The following FGF14 variants were observed in gnomAD, a reference collection of about 807,000 sequenced individuals.
FGF14 encodes fibroblast growth factor 14, also known as fibroblast growth factor homologous factor 4.
A neutral mutation model predicts 25.5 loss-of-function variants in FGF14; 5 were observed. The observed-to-expected ratio is 0.20, with a 90% CI of 0.10 to 0.41. The LOEUF (loss-of-function observed/expected upper bound fraction) is 0.41, where lower values mean the gene tolerates loss of function less well. Among genes scored for constraint, FGF14 ranks in the 10% least tolerant of loss-of-function variants. The pLI is 1.00. For missense variants in FGF14, 222 were observed against 320.1 expected (o/e 0.69, Z 2.34); for synonymous variants, 138 against 118.3 (o/e 1.17, Z -1.08).
intron 1 of FGF14, among the ~76,000 whole-genome samples, chr13:102,034,366 A>C (rs1477936903): frequency 1.3e-5 from 2 of 152,178 alleles, no homozygotes; most frequent in African/African-American, 2.4e-5. Flanking sequence ...CTATCAAGCA[A>C]GTGATTTGTA....
intron 1 of FGF14, among the ~76,000 whole-genome samples, chr13:101,902,846 C>T (rs574481347): frequency 7.3e-4 from 111 of 152,276 alleles, no homozygotes; most frequent in African/African-American, 2.5e-3. Flanking sequence ...AAAGGAGGCA[C>T]TTTTAATAAA....
chr13:102,212,917 A>G (rs2050219008), intron 1 of FGF14, among the ~76,000 whole-genome samples: 2 of 152,280 alleles, frequency 1.3e-5, no homozygotes, highest in East Asian at 3.9e-4. Context: ...CTGTGACTCC[A>G]CTTCCCCACC....
At chr13:102,301,206 T>C (rs1423658806) in intron 1 of FGF14, among the ~76,000 whole-genome samples, 2 of 152,196 alleles carry the variant, frequency 1.3e-5, no homozygotes, top group East Asian at 1.9e-4. Context: ...ATTGGCCATA[T>C]TGTTAAAAGT....
At chr13:102,196,797 C>T (rs1370705171) in intron 1 of FGF14, among the ~76,000 whole-genome samples, 1 of 152,132 alleles carries the variant, frequency 6.6e-6, no homozygotes, top group Non-Finnish European at 1.5e-5. Flanking sequence ...TTCCTGTCTA[C>T]CAGAAACTTT....
chr13:101,926,327 A>AT (rs1178816663), intron 1 of FGF14, among the ~76,000 whole-genome samples: 1 of 152,094 alleles, frequency 6.6e-6, no homozygotes, highest in East Asian at 1.9e-4. Context: ...TACCAACATA[A>AT]TTTTTTAAAC....
chr13:102,091,422 G>A (rs2044158925), intron 1 of FGF14, among the ~76,000 whole-genome samples: 2 of 151,500 alleles, frequency 1.3e-5, no homozygotes, highest in African/African-American at 4.8e-5. Context: ...TTGGCTGCTT[G>A]TGGATCTTGT....
intron 1 of FGF14, among the ~76,000 whole-genome samples, chr13:102,114,412 T>G (rs1402192618): frequency 2.0e-5 from 3 of 152,208 alleles, no homozygotes; most frequent in Non-Finnish European, 2.9e-5. Context: ...CTTTTGAGTT[T>G]GATGTAGTCC....
intron 1 of FGF14, among the ~76,000 whole-genome samples, chr13:102,142,393 T>TAA (rs572274485): frequency 3.4e-5 from 5 of 146,158 alleles, no homozygotes; most frequent in Non-Finnish European, 7.6e-5. Context: ...TTTTACTCCT[T>TAA]AAAAAAAAAA....
At chr13:102,155,708 T>C (rs1037980677) in intron 1 of FGF14, among the ~76,000 whole-genome samples, 70 of 149,464 alleles carry the variant, frequency 4.7e-4, no homozygotes, top group African/African-American at 1.7e-3. Flanking sequence ...CTTCAAAAAA[T>C]CAATGAATCC....
chr13:102,146,513 C>T (rs542443284), intron 1 of FGF14, among the ~76,000 whole-genome samples: 1 of 152,210 alleles, frequency 6.6e-6, no homozygotes, highest in African/African-American at 2.4e-5. Flanking sequence ...GCCTTTATAA[C>T]AATATTACAG....
In FGF14 at chr13:101,792,787, C is replaced by T. The variant is rs546744012; in HGVS notation, c.409-65977G>A. ...TCTCTTGAAAAATCAGAAGATTTAGCAAGGGGCCCTATAGTCCTTGATGGA... is the reference window on the plus strand; with the variant it reads ...TCTCTTGAAAAATCAGAAGATTTAGTAAGGGGCCCTATAGTCCTTGATGGA... On this transcript the variant is annotated intron_variant, in intron 3 of 4. Coordinates refer to ENST00000376143, the MANE Select transcript of FGF14 (RefSeq NM_004115.4). Among the ~76,000 whole-genome samples, 7 of 152,178 alleles carry T rather than the reference C, an allele frequency of 4.6e-5. No homozygotes were observed. In the South Asian group the frequency reaches 1.5e-3, roughly 32 times the overall value.
intron 1 of FGF14, among the ~76,000 whole-genome samples, chr13:102,352,720 G>A (rs979239440): frequency 6.6e-6 from 1 of 151,322 alleles, no homozygotes; most frequent in African/African-American, 2.4e-5. Context: ...GCTGAGGCAG[G>A]AGAATGGCGT....
chr13:102,009,548 T>G (rs1173190367), intron 1 of FGF14, among the ~76,000 whole-genome samples: 9 of 152,186 alleles, frequency 5.9e-5, no homozygotes, highest in Admixed American at 5.9e-4. Flanking sequence ...ATATATGTTC[T>G]TCTGAATATT....
chr13:101,913,768 C>T (rs942648315), intron 1 of FGF14, among the ~76,000 whole-genome samples: 2 of 152,084 alleles, frequency 1.3e-5, no homozygotes, highest in African/African-American at 4.8e-5. Flanking sequence ...CCAGTGTTGC[C>T]CACCCTGACT....
chr13:101,895,620 C>T lies in FGF14; in HGVS notation c.194-20324G>A, dbSNP rs569886180. Reference sequence around the variant, plus strand: ...TCACTGAAGTGCAAACATACCTGCCCGAGAGAAGTAACTTTAAAAAGGTAA... The same window carrying T: ...TCACTGAAGTGCAAACATACCTGCCTGAGAGAAGTAACTTTAAAAAGGTAA... On this transcript the variant is annotated intron_variant, in intron 1 of 4. Transcript: ENST00000376143. Among the ~76,000 whole-genome samples the T allele has an allele frequency of 2.2e-4, 33 of 152,074 alleles. No individual in the cohort carries two copies. In the South Asian group the frequency reaches 5.2e-3, roughly 24 times the overall value.
intron 3 of FGF14, among the ~76,000 whole-genome samples, chr13:101,751,363 T>G (rs2139841068): frequency 6.6e-6 from 1 of 152,246 alleles, no homozygotes; most frequent in African/African-American, 2.4e-5. Flanking sequence ...CTAAAACTGC[T>G]TTTAAAAGTT....
chr13:102,252,833 C>A (rs182683476), intron 1 of FGF14, among the ~76,000 whole-genome samples: 1 of 152,218 alleles, frequency 6.6e-6, no homozygotes, highest in African/African-American at 2.4e-5. Context: ...CCCCACCCCA[C>A]AACAGGTCAC....
At chr13:101,723,650 A>G (rs1362742022) in intron 4 of FGF14, among the ~76,000 whole-genome samples, 1 of 152,130 alleles carries the variant, frequency 6.6e-6, no homozygotes, top group African/African-American at 2.4e-5. Context: ...AATAATTGAC[A>G]TGATACAGGG....
At chr13:102,143,542 A>G (rs770839083) in intron 1 of FGF14, among the ~76,000 whole-genome samples, 21 of 152,164 alleles carry the variant, frequency 1.4e-4, no homozygotes, top group Non-Finnish European at 2.5e-4. Flanking sequence ...TGAGGGGAAA[A>G]AAATACACAC....
Sources: gnomAD v4.1 joint callset for allele counts (sites outside exome capture counted in the v4.1 genomes callset) on GRCh38, gnomAD v4.1.1 for gene constraint, MANE v1.5 for transcripts, NCBI Gene and HGNC (gene_info 2026-07-23, HGNC 2026-07-21) for gene names.